RNF146: variants seen among roughly 807,000 people sequenced by gnomAD.
RNF146 encodes the protein ring finger protein 146, also known as E3 ubiquitin-protein ligase RNF146.
RNF146 carries 11 observed loss-of-function variants against 29.7 expected under a neutral mutation model. The observed-to-expected ratio is 0.37, with a 90% CI of 0.23 to 0.61. RNF146 has a LOEUF of 0.61. Ranked by LOEUF, RNF146 falls within the 20% of genes least tolerant of loss-of-function variation. The probability of loss-of-function intolerance (pLI) is 0.66; values close to 1 mark genes in which losing one functional copy is unlikely to be tolerated. For synonymous variants in RNF146, 150 were observed against 159.7 expected (o/e 0.94, Z 0.46); for missense variants, 342 against 438.9 (o/e 0.78, Z 1.97).
In RNF146 at chr6:127,287,235, A is replaced by C. The variant is rs758143709; in HGVS notation, c.622A>C (p.Ser208Arg). The C allele has an allele frequency of 3.5e-5, 56 of 1,613,330 alleles. No homozygotes were observed. The highest frequency in any genetic ancestry group is 4.7e-5 in the Non-Finnish European group (56 of 1,179,654). The change falls in exon 3 of 3, where the codon AGT becomes CGT. Residue 208 changes from serine to arginine, a missense_variant. Coordinates refer to ENST00000368314, the MANE Select transcript of RNF146 (RefSeq NM_001242850.2). ...ADGADSVSAQ[S>R]GASVQPLVSS... is the part of the protein sequence containing the mutation. ...CGGAGCGGACAGTGTATCAGCACAG[A>C]GTGGAGCTTCTGTTCAGCCCCTAGT...
intron 1 of RNF146, among the ~76,000 whole-genome samples, chr6:127,276,927 G>T (rs1376208984): frequency 3.7e-4 from 56 of 152,064 alleles, no homozygotes; most frequent in Admixed American, 3.7e-3. Context: ...TACTGGCCTA[G>T]AATTTCTAAG....
At chr6:127,276,150 G>A (rs1354823582) in intron 1 of RNF146, among the ~76,000 whole-genome samples, 1 of 151,898 alleles carries the variant, frequency 6.6e-6, no homozygotes, top group Non-Finnish European at 1.5e-5. Flanking sequence ...AGACTGTAGA[G>A]TGAGTGTATG....
rs1185195922 is a variant in RNF146 at position 127,287,307 on chromosome 6, C to A, written c.694C>A (p.Pro232Thr). 6.2e-7 allele frequency: 1 copy of A among 1,613,218 alleles called. No individual in the cohort carries two copies. The highest frequency in any genetic ancestry group is 2.2e-5 in the East Asian group (1 of 44,822). ...ATCAGTAGATGGTCAGTTAACAAGC[C>A]CTGCAACACCATCCCCTGATGCAAG... is the stretch of plus-strand genomic sequence containing the variant. ...LTSVDGQLTSPATPSPDASTS... is the reference protein window; with the variant it reads ...LTSVDGQLTSTATPSPDASTS... Residue 232 changes from proline (P) to threonine (T), a missense_variant, in exon 3 of 3, where the codon CCT becomes ACT. Physicochemically the swap from Pro to Thr is conservative, Grantham distance 38 (BLOSUM62 -1). Coordinates refer to ENST00000368314, the MANE Select transcript of RNF146 (RefSeq NM_001242850.2).
At chr6:127,269,883 A>G (rs1399380953) in intron 1 of RNF146, among the ~76,000 whole-genome samples, 1 of 152,136 alleles carries the variant, frequency 6.6e-6, no homozygotes, top group Non-Finnish European at 1.5e-5. Context: ...TAGAACATTT[A>G]CTGTTTTGTG....
At position 127,288,528 on chromosome 6, in the gene RNF146, C is replaced by G. The variant is rs1234126919; in HGVS notation, c.*835C>G. 3 of 166,816 alleles carry G rather than the reference C, an allele frequency of 1.8e-5. No individual in the cohort carries two copies. The highest frequency in any genetic ancestry group is 4.4e-5 in the Non-Finnish European group (3 of 68,022). The allele number at this position is 166,816 out of a possible 1,614,324, so 10.3% of individuals were successfully genotyped here. ...AGATTATTTAAACAGAATCTATAGG[C>G]AGTGTGTATATAATAAACATGTATG... is the stretch of plus-strand genomic sequence containing the variant. On this transcript the variant is annotated 3_prime_UTR_variant, in exon 3 of 3. Transcript: ENST00000368314.
At chr6:127,284,588 T>G (rs934010842) in intron 2 of RNF146, among the ~76,000 whole-genome samples, 1 of 151,928 alleles carries the variant, frequency 6.6e-6, no homozygotes, top group African/African-American at 2.4e-5. Context: ...ACAAAATGTG[T>G]GCACAGCCAA....
chr6:127,267,446 G>T (rs1489828339), intron 1 of RNF146, among the ~76,000 whole-genome samples: 2 of 152,234 alleles, frequency 1.3e-5, no homozygotes, highest in Non-Finnish European at 2.9e-5. Context: ...GGGCGGCGAT[G>T]GTTTTTCGGC....
Position 127,280,241 on chromosome 6 carries a change from G to T in RNF146, c.-98G>T, listed in dbSNP as rs1325678997. 8.6e-7 allele frequency: 1 copy of T among 1,156,554 alleles called. No homozygotes were observed. Among genetic ancestry groups the T allele is most frequent in the Admixed American group, 2.1e-5 (1 of 48,712 alleles). The allele number at this position is 1,156,554 out of a possible 1,614,324, so 71.6% of individuals were successfully genotyped here. ...TTTTTTCTTTTGCAGCACAAAGAAT[G>T]AACCAGCAGTGGAAGAGAAAATACT... On this transcript the variant is annotated 5_prime_UTR_variant, in exon 2 of 3. It removes an upstream start codon present in the reference 5' UTR. Transcript: ENST00000368314.
Position 127,286,949 on chromosome 6 carries a change from T to C in RNF146, c.336T>C (p.Asn112=). The C allele has an allele frequency of 6.2e-7, 1 of 1,613,162 alleles. No individual in the cohort carries two copies. The highest frequency in any genetic ancestry group is 8.5e-7 in the Non-Finnish European group (1 of 1,179,534). The stretch of plus-strand genomic sequence containing the variant: ...ATGCATGGTATTATGAAGGAAGAAA[T>C]GGGTGGTGGCAGTACGATGAGCGCA... The part of the protein sequence containing the change: ...GEYAWYYEGR[N]GWWQYDERTS... The change falls in exon 3 of 3, where the codon AAT becomes AAC. Residue 112 remains asparagine (N), a synonymous_variant. Transcript: ENST00000368314. The surrounding 1 kb of genome is among the most constrained non-coding windows in gnomAD (Gnocchi z 4.6).
Position 127,286,070 on chromosome 6 carries a change from T to A in RNF146, c.3-546T>A, listed in dbSNP as rs1462954259. On this transcript the variant is annotated intron_variant, in intron 2 of 2. Transcript: ENST00000368314. The surrounding 1 kb of genome is among the most constrained non-coding windows in gnomAD (Gnocchi z 4.6). ...TTCAGGGGATCTTCAATATTCATGT[T>A]ATTTTCTCCTTTGGTCTTATATGAT... 3 of 1,229,302 alleles carry A rather than the reference T, an allele frequency of 2.4e-6. No individual in the cohort carries two copies. The highest frequency in any genetic ancestry group is 3.1e-5 in the African/African-American group (2 of 64,264). 76.1% of individuals were successfully genotyped at this position (1,229,302 alleles called of 1,614,324 possible).
At chr6:127,270,538 A>C (rs565498023) in intron 1 of RNF146, among the ~76,000 whole-genome samples, 139 of 152,308 alleles carry the variant, frequency 9.1e-4, no homozygotes, top group African/African-American at 3.2e-3. Flanking sequence ...CTTTAAAAAA[A>C]CTTTGGTTTC....
intron 2 of RNF146, among the ~76,000 whole-genome samples, chr6:127,283,088 C>T (rs1779109867): frequency 6.6e-6 from 1 of 151,598 alleles, no homozygotes; most frequent in Non-Finnish European, 1.5e-5. Context: ...CTAACTCTGC[C>T]CATACCCCTC....
At chr6:127,281,793 A>G (rs974597801) in intron 2 of RNF146, among the ~76,000 whole-genome samples, 1 of 151,632 alleles carries the variant, frequency 6.6e-6, no homozygotes, top group African/African-American at 2.4e-5. Flanking sequence ...TATATTGATC[A>G]GTCTTGGAGG....
chr6:127,277,916 T>G (rs1778445697), intron 1 of RNF146, among the ~76,000 whole-genome samples: 1 of 152,134 alleles, frequency 6.6e-6, no homozygotes. Flanking sequence ...ACAAATTGTT[T>G]GTTCTGTTAA....
intron 1 of RNF146, among the ~76,000 whole-genome samples, chr6:127,272,183 A>T (rs1401632848): frequency 1.3e-5 from 2 of 152,148 alleles, no homozygotes; most frequent in Admixed American, 6.5e-5. Context: ...AGGTATAGTC[A>T]TATTTCACAG....
intron 2 of RNF146, among the ~76,000 whole-genome samples, chr6:127,281,757 A>G (rs1778943223): frequency 6.6e-6 from 1 of 151,648 alleles, no homozygotes; most frequent in African/African-American, 2.4e-5. Flanking sequence ...ATCAATCTTA[A>G]TTGATTTTGA....
At chr6:127,284,039 T>G (rs1779223636) in intron 2 of RNF146, among the ~76,000 whole-genome samples, 1 of 151,830 alleles carries the variant, frequency 6.6e-6, no homozygotes, top group Non-Finnish European at 1.5e-5. Context: ...ATGCAAAATA[T>G]TAATCATATT....
chr6:127,283,370 T>C (rs1025586859), intron 2 of RNF146, among the ~76,000 whole-genome samples: 2 of 151,828 alleles, frequency 1.3e-5, no homozygotes, highest in Admixed American at 1.3e-4. Context: ...TAGAATTTTC[T>C]GAGACATTTA....
intron 1 of RNF146, among the ~76,000 whole-genome samples, chr6:127,271,610 T>C (rs975986722): frequency 2.6e-5 from 4 of 152,180 alleles, no homozygotes; most frequent in Non-Finnish European, 5.9e-5. Flanking sequence ...CATGGAGTTA[T>C]TGAGCACTTG....
Sources: gnomAD v4.1 joint callset for allele counts (sites outside exome capture counted in the v4.1 genomes callset) on GRCh38, gnomAD v4.1.1 for gene constraint, Gnocchi (gnomAD v3.1) non-coding constraint, MANE v1.5 for transcripts, NCBI Gene and HGNC (gene_info 2026-07-23, HGNC 2026-07-21) for gene names.